KLHL28: variants seen among roughly 807,000 people sequenced by gnomAD.
The protein encoded by KLHL28 is kelch like family member 28.
In KLHL28, 22 loss-of-function variants were observed where a neutral mutation model predicts 48.3. The observed-to-expected ratio is 0.46, with a 90% CI of 0.33 to 0.65. The LOEUF (loss-of-function observed/expected upper bound fraction) is 0.65. Among genes scored for constraint, KLHL28 ranks in the 30% least tolerant of loss-of-function variants. KLHL28 has a pLI of 0.03. For synonymous variants in KLHL28, 243 were observed against 242.4 expected (o/e 1.00, Z -0.02); for missense variants, 527 against 704.3 (o/e 0.75, Z 2.85).
chr14:44,935,988 C>T (rs138649560), intron 2 of KLHL28, among the ~76,000 whole-genome samples: 2,468 of 148,532 alleles, frequency 0.017, 23 homozygotes, highest in Middle Eastern at 0.031. Context: ...AGTCCTCCAT[C>T]CAGTATAATC....
chr14:44,946,264 G>C (rs1353886802), intron 1 of KLHL28, among the ~76,000 whole-genome samples: 6 of 152,148 alleles, frequency 3.9e-5, no homozygotes, highest in African/African-American at 1.2e-4. Flanking sequence ...TCAAGTCTGA[G>C]CTATCACTGA....
chr14:44,927,591 T>C lies in KLHL28; in HGVS notation c.*1437A>G, dbSNP rs970492303. On this transcript the variant is annotated 3_prime_UTR_variant, in exon 5 of 5. Coordinates refer to ENST00000396128, the MANE Select transcript of KLHL28 (RefSeq NM_017658.5). ...AGACTAACAGACATTTACTAAAACA[T>C]GCTAAAATCAAATAAGTTAAACACT... 6.6e-6 allele frequency: 1 copy of C among 152,536 alleles called. No homozygotes were observed. The highest frequency in any genetic ancestry group is 1.5e-5 in the Non-Finnish European group (1 of 67,996). 9.4% of individuals were successfully genotyped at this position (152,536 alleles called of 1,614,324 possible). A position where few individuals can be genotyped will look rare whatever the true frequency, so the allele number is the denominator to read the frequency against.
intron 2 of KLHL28, among the ~76,000 whole-genome samples, chr14:44,937,443 G>T (rs143278133): frequency 6.6e-6 from 1 of 152,024 alleles, no homozygotes; most frequent in Non-Finnish European, 1.5e-5. Flanking sequence ...CACTGTGCCC[G>T]GCCCAGAATT....
rs1883315904 is a variant in KLHL28 at position 44,924,475 on chromosome 14, CATAA to C, written c.*4549_*4552del. Reference sequence around the variant, plus strand: ...GTTAAATGACACTTTAGTGTGTAAACATAAATAAAATAAAACCCTGATGCTAAAA... The same window carrying C: ...GTTAAATGACACTTTAGTGTGTAAACATAAAATAAAACCCTGATGCTAAAA... On this transcript the variant is annotated 3_prime_UTR_variant, in exon 5 of 5. Coordinates refer to ENST00000396128, the MANE Select transcript of KLHL28 (RefSeq NM_017658.5). 1 of 152,402 alleles carries C rather than the reference CATAA, an allele frequency of 6.6e-6. No homozygotes were observed. Among genetic ancestry groups the C allele is most frequent in the Admixed American group, 6.6e-5 (1 of 15,262 alleles). The allele number at this position is 152,402 out of a possible 1,614,324, so 9.4% of individuals were successfully genotyped here.
At chr14:44,937,439 G>A (rs532852720) in intron 2 of KLHL28, among the ~76,000 whole-genome samples, 86 of 152,246 alleles carry the variant, frequency 5.6e-4, no homozygotes, top group African/African-American at 2.0e-3. Context: ...GATCCACTGT[G>A]CCCGGCCCAG....
At chr14:44,943,071 A>G (rs1884169580) in intron 2 of KLHL28, among the ~76,000 whole-genome samples, 1 of 152,184 alleles carries the variant, frequency 6.6e-6, no homozygotes. Context: ...TTTTATTATG[A>G]TAGATTCTAT....
chr14:44,944,923 GA>G (rs1566571174), intron 2 of KLHL28, 106 bp downstream of exon 2: 1 of 859,224 alleles, frequency 1.2e-6, no homozygotes, highest in African/African-American at 1.7e-5. Flanking sequence ...AAGAAGCAAA[GA>G]AAAGTAAAAA....
intron 2 of KLHL28, among the ~76,000 whole-genome samples, chr14:44,943,771 A>G (rs1884204947): frequency 6.6e-6 from 1 of 151,228 alleles, no homozygotes; most frequent in South Asian, 2.1e-4. Flanking sequence ...TTAGTGTGCA[A>G]TGGTGCATTC....
At chr14:44,934,975 T>C (rs984478400) in intron 2 of KLHL28, among the ~76,000 whole-genome samples, 1 of 152,180 alleles carries the variant, frequency 6.6e-6, no homozygotes, top group Non-Finnish European at 1.5e-5. Flanking sequence ...ACTTTATGTG[T>C]CCTGTCTGAG....
intron 2 of KLHL28, among the ~76,000 whole-genome samples, chr14:44,938,662 G>A (rs982203511): frequency 2.6e-5 from 4 of 152,242 alleles, no homozygotes; most frequent in Middle Eastern, 3.4e-3. Flanking sequence ...GAGCCACCGC[G>A]CCCGGCCGAA....
At chr14:44,949,015 GAA>G (rs899352553) in intron 1 of KLHL28, among the ~76,000 whole-genome samples, 1 of 151,996 alleles carries the variant, frequency 6.6e-6, no homozygotes, top group Non-Finnish European at 1.5e-5. Flanking sequence ...AAATGTATGC[GAA>G]AAATAAGAGA....
intron 1 of KLHL28, among the ~76,000 whole-genome samples, chr14:44,955,681 G>A (rs1884764386): frequency 6.6e-6 from 1 of 152,206 alleles, no homozygotes; most frequent in African/African-American, 2.4e-5. Flanking sequence ...AGCTACTTGG[G>A]GGGCTGAGCT....
chr14:44,939,604 T>G (rs1042043462), intron 2 of KLHL28, among the ~76,000 whole-genome samples: 1 of 152,208 alleles, frequency 6.6e-6, no homozygotes, highest in Non-Finnish European at 1.5e-5. Flanking sequence ...AGGAAACTGA[T>G]GCAATTCAGC....
intron 1 of KLHL28, among the ~76,000 whole-genome samples, chr14:44,947,434 T>C (rs570909969): frequency 1.3e-5 from 2 of 152,368 alleles, no homozygotes; most frequent in African/African-American, 4.8e-5. Flanking sequence ...GTTTGTGTAA[T>C]TTGTTACAGT....
At chr14:44,952,343 GC>G (rs1286507526) in intron 1 of KLHL28, among the ~76,000 whole-genome samples, 9 of 152,066 alleles carry the variant, frequency 5.9e-5, no homozygotes, top group Non-Finnish European at 8.8e-5. Context: ...AAATTCTTGA[GC>G]CCCATCACAG....
chr14:44,939,604 T>C (rs1042043462), intron 2 of KLHL28, among the ~76,000 whole-genome samples: 1 of 152,208 alleles, frequency 6.6e-6, no homozygotes, highest in African/African-American at 2.4e-5. Context: ...AGGAAACTGA[T>C]GCAATTCAGC....
In KLHL28 at chr14:44,960,943, A is replaced by C. The variant is rs1885049155; in HGVS notation, c.-1+903T>G. On this transcript the variant is annotated intron_variant, in intron 1 of 4. Coordinates refer to ENST00000396128, the MANE Select transcript of KLHL28 (RefSeq NM_017658.5). ...TTGAAGTGCATAAATTTGGGTCTTC[A>C]AATGATAACTTAGACTTTTCGCACG... 2.0e-6 allele frequency: 3 copies of C among 1,515,886 alleles called. No homozygotes were observed. The African/African-American group carries it at 4.2e-5, about 21-fold the overall frequency. The allele number at this position is 1,515,886 out of a possible 1,614,324, so 93.9% of individuals were successfully genotyped here.
rs1566558525 is a variant in KLHL28, at chr14:44,927,362, C to CAAATGA, written c.*1665_*1666insTCATTT. 1 of 152,382 alleles carries CAAATGA rather than the reference C, an allele frequency of 6.6e-6. No individual in the cohort carries two copies. Among genetic ancestry groups the CAAATGA allele is most frequent in the Non-Finnish European group, 1.5e-5 (1 of 67,936 alleles). 9.4% of individuals were successfully genotyped at this position (152,382 alleles called of 1,614,324 possible). A position where few individuals can be genotyped will look rare whatever the true frequency, so the allele number is the denominator to read the frequency against. Reference sequence around the variant, plus strand: ...CAAATGAACCTATGTTTTATAATTACAAATGGCTTCTTAACAATAGTCTAG... The same window carrying CAAATGA: ...CAAATGAACCTATGTTTTATAATTACAAATGAAAATGGCTTCTTAACAATAGTCTAG... On this transcript the variant is annotated 3_prime_UTR_variant, in exon 5 of 5. Transcript: ENST00000396128.
At chr14:44,952,827 A>G (rs967339354) in intron 1 of KLHL28, among the ~76,000 whole-genome samples, 1 of 152,006 alleles carries the variant, frequency 6.6e-6, no homozygotes, top group Non-Finnish European at 1.5e-5. Flanking sequence ...AAAGCCCCAC[A>G]TTTGTCAAAC....
Sources: allele counts gnomAD v4.1 joint callset (sites outside exome capture counted in the v4.1 genomes callset), GRCh38; gene constraint gnomAD v4.1.1; transcripts MANE v1.5; gene names NCBI Gene and HGNC (gene_info 2026-07-23, HGNC 2026-07-21).